Variants in NEK7 observed in about 807,000 individuals in gnomAD.
NEK7 encodes the protein NIMA related kinase 7.
NEK7 carries 18 observed loss-of-function variants against 44.6 expected under a neutral mutation model. The observed-to-expected ratio is 0.40, with a 90% CI of 0.28 to 0.60. The LOEUF is 0.60. NEK7 is among the 20% of genes least tolerant of loss of function. The pLI is 0.38. For synonymous variants in NEK7, 130 were observed against 121.1 expected (o/e 1.07, Z -0.48); for missense variants, 256 against 366.5 (o/e 0.70, Z 2.46).
chr1:198,211,086 G>A (rs908240029), intron 1 of NEK7, among the ~76,000 whole-genome samples: 1 of 151,956 alleles, frequency 6.6e-6, no homozygotes, highest in South Asian at 2.1e-4. Context: ...ATTTCTTTGT[G>A]TCTATTAGGT....
At chr1:198,236,626 A>G (rs923885592) in intron 2 of NEK7, among the ~76,000 whole-genome samples, 1 of 152,116 alleles carries the variant, frequency 6.6e-6, no homozygotes, top group Non-Finnish European at 1.5e-5. Flanking sequence ...AAGCAGTCAG[A>G]AGAGAACCTC....
intron 2 of NEK7, among the ~76,000 whole-genome samples, chr1:198,238,875 A>G (rs1228211601): frequency 2.0e-5 from 3 of 152,206 alleles, no homozygotes; most frequent in Non-Finnish European, 4.4e-5. Flanking sequence ...AGTTTTCAAG[A>G]TGAAATTTAT....
intron 1 of NEK7, among the ~76,000 whole-genome samples, chr1:198,202,811 G>T (rs1381619536): frequency 1.3e-5 from 2 of 152,046 alleles, no homozygotes; most frequent in African/African-American, 4.8e-5. Context: ...TGGGTCCCTC[G>T]CACACCACAT....
chr1:198,251,188 G>A (rs1212874346), intron 2 of NEK7, among the ~76,000 whole-genome samples: 1 of 151,704 alleles, frequency 6.6e-6, no homozygotes, highest in Non-Finnish European at 1.5e-5. Flanking sequence ...ACATTGATTT[G>A]CGTATACTGA....
At chr1:198,216,267 A>G (rs925575298) in intron 1 of NEK7, among the ~76,000 whole-genome samples, 2 of 152,096 alleles carry the variant, frequency 1.3e-5, no homozygotes, top group African/African-American at 4.8e-5. Flanking sequence ...CTAGAAATCA[A>G]TTCCAGAGGG....
At chr1:198,213,153 C>T (rs1665824665) in intron 1 of NEK7, among the ~76,000 whole-genome samples, 1 of 152,204 alleles carries the variant, frequency 6.6e-6, no homozygotes, top group Non-Finnish European at 1.5e-5. Flanking sequence ...GACAGCATCA[C>T]TTGACCGAGA....
At chr1:198,257,783 T>A (rs2102937728) in intron 3 of NEK7, among the ~76,000 whole-genome samples, 1 of 152,294 alleles carries the variant, frequency 6.6e-6, no homozygotes, top group Non-Finnish European at 1.5e-5. Flanking sequence ...GTACTTGCAA[T>A]CTTAAGCATT....
chr1:198,253,660 T>C (rs996540765), intron 3 of NEK7, among the ~76,000 whole-genome samples: 1 of 152,188 alleles, frequency 6.6e-6, no homozygotes, highest in Non-Finnish European at 1.5e-5. Context: ...AATTAGAACA[T>C]TGATACCTAA....
intron 9 of NEK7, among the ~76,000 whole-genome samples, chr1:198,311,737 C>G (rs895437879): frequency 3.9e-5 from 6 of 152,170 alleles, no homozygotes; most frequent in African/African-American, 1.2e-4. Flanking sequence ...TGCTGGATTA[C>G]ATTGATTGAT....
At chr1:198,175,316 T>A (rs941803470) in intron 1 of NEK7, among the ~76,000 whole-genome samples, 1 of 152,196 alleles carries the variant, frequency 6.6e-6, no homozygotes, top group Non-Finnish European at 1.5e-5. Context: ...TCATTTTTTG[T>A]GTGTGATTTT....
intron 1 of NEK7, among the ~76,000 whole-genome samples, chr1:198,204,686 C>T (rs901757515): frequency 6.9e-6 from 1 of 145,756 alleles, no homozygotes; most frequent in Non-Finnish European, 1.5e-5. Context: ...CGCAACTGCA[C>T]TCCAGCCTGG....
At chr1:198,253,391 C>T (rs1022012582) in intron 3 of NEK7, among the ~76,000 whole-genome samples, 3 of 151,950 alleles carry the variant, frequency 2.0e-5, no homozygotes, top group Non-Finnish European at 2.9e-5. Context: ...AAATTTAGCT[C>T]GTATTGAACC....
chr1:198,250,795 T>C (rs1652928105), intron 2 of NEK7, among the ~76,000 whole-genome samples: 3 of 145,698 alleles, frequency 2.1e-5, no homozygotes. Flanking sequence ...GACAATGGGG[T>C]TTTCTAGATA....
chr1:198,265,651 A>T (rs1332373456), intron 5 of NEK7, among the ~76,000 whole-genome samples: 1 of 152,090 alleles, frequency 6.6e-6, no homozygotes, highest in African/African-American at 2.4e-5. Flanking sequence ...ATCAATTGTT[A>T]TAGAAGTTAC....
At chr1:198,221,827 G>C (rs1441738595) in intron 1 of NEK7, among the ~76,000 whole-genome samples, 1 of 151,594 alleles carries the variant, frequency 6.6e-6, no homozygotes, top group African/African-American at 2.4e-5. Context: ...TTTAGCTTTA[G>C]AAAAATTAAC....
At chr1:198,171,021 C>T (rs1325230896) in intron 1 of NEK7, among the ~76,000 whole-genome samples, 1 of 152,134 alleles carries the variant, frequency 6.6e-6, no homozygotes, top group Admixed American at 6.5e-5. Flanking sequence ...TCACCTTAGC[C>T]TCCTGAAGTG....
At chr1:198,212,433 A>G (rs987541163) in intron 1 of NEK7, among the ~76,000 whole-genome samples, 4 of 152,196 alleles carry the variant, frequency 2.6e-5, no homozygotes, top group African/African-American at 9.7e-5. Context: ...CTGGGAGCAG[A>G]GTGGGACTTA....
chr1:198,260,030 TTTC>T (rs369057885), intron 3 of NEK7, among the ~76,000 whole-genome samples: 1 of 152,328 alleles, frequency 6.6e-6, no homozygotes, highest in African/African-American at 2.4e-5. Context: ...GCAAGATGGT[TTTC>T]TTATTTGTAT....
intron 1 of NEK7, among the ~76,000 whole-genome samples, chr1:198,223,186 A>G (rs902946609): frequency 6.6e-6 from 1 of 152,182 alleles, no homozygotes; most frequent in Non-Finnish European, 1.5e-5. Flanking sequence ...AATTTGATTT[A>G]TGTTTTCAAA....
Sources: gnomAD v4.1 joint callset for allele counts (sites outside exome capture counted in the v4.1 genomes callset) on GRCh38, gnomAD v4.1.1 for gene constraint, MANE v1.5 for transcripts, NCBI Gene and HGNC (gene_info 2026-07-23, HGNC 2026-07-21) for gene names.